The following XNDC1N variants were observed in gnomAD, a reference collection of about 807,000 sequenced individuals.
XNDC1N encodes XRCC1 N-terminal domain containing 1, N-terminal like.
the XNDC1N span, among the ~76,000 whole-genome samples, chr11:71,890,855 G>A: frequency 6.6e-6 from 1 of 151,970 alleles, no homozygotes; most frequent in Non-Finnish European, 1.5e-5. Context: ...GACCTTTGCT[G>A]TCATAGAATT....
chr11:71,879,738 A>G, the XNDC1N span, among the ~76,000 whole-genome samples: 2 of 152,230 alleles, frequency 1.3e-5, no homozygotes, highest in African/African-American at 4.8e-5. Flanking sequence ...TATCAGCGCA[A>G]GAAGAAATCT....
chr11:71,922,551 C>T, the XNDC1N span, among the ~76,000 whole-genome samples: 1 of 152,196 alleles, frequency 6.6e-6, no homozygotes, highest in Non-Finnish European at 1.5e-5. Flanking sequence ...GATCCTCCTG[C>T]CTTGGGCTCC....
the XNDC1N span, among the ~76,000 whole-genome samples, chr11:71,916,439 T>A: frequency 6.6e-6 from 1 of 152,162 alleles, no homozygotes; most frequent in Non-Finnish European, 1.5e-5. Flanking sequence ...AGCAGGCCAG[T>A]CAGGGCCTTC....
the XNDC1N span, among the ~76,000 whole-genome samples, chr11:71,918,212 C>T: frequency 3.9e-5 from 6 of 152,190 alleles, no homozygotes; most frequent in Admixed American, 3.3e-4. Flanking sequence ...GGATTATCCT[C>T]GCACAGTTCA....
chr11:71,884,730 G>A, the XNDC1N span: 2 of 1,019,966 alleles, frequency 2.0e-6, no homozygotes, highest in Non-Finnish European at 2.9e-6. Flanking sequence ...TTTCATTTGT[G>A]CATTTTAACA....
chr11:71,889,251 G>A, the XNDC1N span, among the ~76,000 whole-genome samples: 2 of 152,230 alleles, frequency 1.3e-5, no homozygotes, highest in Non-Finnish European at 2.9e-5. Context: ...CTAGGGAAGA[G>A]ACAGAAAATA....
chr11:71,904,155 T>G, the XNDC1N span: 2 of 452,444 alleles, frequency 4.4e-6, no homozygotes, highest in East Asian at 6.7e-5. Flanking sequence ...CCATTCCTTT[T>G]GTAGGATGGG....
At chr11:71,880,668 G>A in the XNDC1N span, among the ~76,000 whole-genome samples, 1 of 151,958 alleles carries the variant, frequency 6.6e-6, no homozygotes, top group Admixed American at 6.6e-5. Context: ...TTCTCTCTTA[G>A]CACTGTCTTT....
chr11:71,917,895 G>A, the XNDC1N span: 3 of 620,584 alleles, frequency 4.8e-6, no homozygotes, highest in East Asian at 2.7e-5. Flanking sequence ...AAGGTTCAGC[G>A]ATATGTGGAG....
the XNDC1N span, among the ~76,000 whole-genome samples, chr11:71,887,686 T>A: frequency 6.6e-6 from 1 of 152,188 alleles, no homozygotes; most frequent in Non-Finnish European, 1.5e-5. Context: ...TTGTTCCTTG[T>A]CGGTCTCCAT....
chr11:71,879,985 G>A, the XNDC1N span, among the ~76,000 whole-genome samples: 1 of 151,904 alleles, frequency 6.6e-6, no homozygotes, highest in Non-Finnish European at 1.5e-5. Context: ...CTCACTAAAT[G>A]GAACACTCTA....
the XNDC1N span, chr11:71,923,559 T>TC: frequency 2.1e-6 from 1 of 465,690 alleles, no homozygotes; most frequent in East Asian, 3.3e-5. Flanking sequence ...ATTTCTGTTT[T>TC]GTTTTTTTTT....
At chr11:71,881,461 T>C in the XNDC1N span, among the ~76,000 whole-genome samples, 24 of 152,270 alleles carry the variant, frequency 1.6e-4, no homozygotes, top group Non-Finnish European at 2.9e-5. Context: ...GTCAGCACAT[T>C]TGGTTTCTCC....
At chr11:71,886,365 C>T in the XNDC1N span, among the ~76,000 whole-genome samples, 717 of 152,126 alleles carry the variant, frequency 4.7e-3, 1 homozygote, top group Non-Finnish European at 8.2e-3. Context: ...GGAACATGCA[C>T]CAGCTGATTA....
chr11:71,893,458 A>G, the XNDC1N span: 17 of 723,114 alleles, frequency 2.4e-5, no homozygotes, highest in African/African-American at 3.5e-5. Flanking sequence ...AAGGTGTCCA[A>G]GACACACAGA....
the XNDC1N span, among the ~76,000 whole-genome samples, chr11:71,927,191 G>A: frequency 2.9e-4 from 44 of 152,082 alleles, no homozygotes; most frequent in Non-Finnish European, 5.1e-4. Context: ...AGACTACAGT[G>A]AGCAGTTATC....
chr11:71,901,606 CAAAAACAAAAACA>C, the XNDC1N span, among the ~76,000 whole-genome samples: 1 of 151,432 alleles, frequency 6.6e-6, no homozygotes, highest in Admixed American at 6.6e-5. Flanking sequence ...CTCAAAACAA[CAAAAACAAAAACA>C]AAAAACAAAA....
At chr11:71,903,438 G>T in the XNDC1N span, 2 of 1,026,194 alleles carry the variant, frequency 1.9e-6, no homozygotes, top group Non-Finnish European at 3.1e-6. Context: ...GATGATTGTG[G>T]ACATCCAGTC....
chr11:71,909,807 A>G, the XNDC1N span, among the ~76,000 whole-genome samples: 4 of 152,194 alleles, frequency 2.6e-5, no homozygotes, highest in Non-Finnish European at 5.9e-5. Flanking sequence ...TGATCTTTTT[A>G]GGAAGGGACT....
Sources: gnomAD v4.1 joint callset for allele counts (sites outside exome capture counted in the v4.1 genomes callset) on GRCh38, gnomAD v4.1.1 for gene constraint, MANE v1.5 for transcripts, NCBI Gene and HGNC (gene_info 2026-07-23, HGNC 2026-07-21) for gene names.